The following DRC11 variants were observed in gnomAD, a reference collection of about 807,000 sequenced individuals.
DRC11 encodes dynein regulatory complex subunit 11, also known as IQ and AAA domain-containing protein 1.
the DRC11 span, among the ~76,000 whole-genome samples, chr2:236,471,257 G>C: frequency 6.6e-6 from 1 of 151,930 alleles, no homozygotes; most frequent in East Asian, 1.9e-4. The surrounding 1 kb of genome is among the most constrained non-coding windows in gnomAD (Gnocchi z 4.6). Flanking sequence ...GTGCTTTGCT[G>C]TCTCTCTCTG....
At chr2:236,507,343 G>C in the DRC11 span, 1 of 1,514,086 alleles carries the variant, frequency 6.6e-7, no homozygotes, top group South Asian at 1.1e-5. Flanking sequence ...TGGCAGCAGG[G>C]GTCAGGGCAC....
At chr2:236,479,023 A>G in the DRC11 span, among the ~76,000 whole-genome samples, 1 of 151,956 alleles carries the variant, frequency 6.6e-6, no homozygotes, top group Admixed American at 6.6e-5. The surrounding 1 kb of genome is among the most constrained non-coding windows in gnomAD (Gnocchi z 4.1). Context: ...CGGGGTTTCA[A>G]CATGTTGGCC....
the DRC11 span, among the ~76,000 whole-genome samples, chr2:236,494,432 T>C: frequency 6.6e-6 from 1 of 152,228 alleles, no homozygotes. The surrounding 1 kb of genome is among the most constrained non-coding windows in gnomAD (Gnocchi z 4.2). Context: ...CTTCTATCCT[T>C]CATTTGTGCA....
the DRC11 span, among the ~76,000 whole-genome samples, chr2:236,486,449 C>T: frequency 6.6e-6 from 1 of 151,940 alleles, no homozygotes; most frequent in East Asian, 1.9e-4. The surrounding 1 kb of genome is among the most constrained non-coding windows in gnomAD (Gnocchi z 5.7). Flanking sequence ...TCCACCTTTC[C>T]ATCTCTATGA....
the DRC11 span, among the ~76,000 whole-genome samples, chr2:236,398,764 A>G: frequency 3.9e-5 from 6 of 152,220 alleles, no homozygotes; most frequent in Admixed American, 3.9e-4. The surrounding 1 kb of genome is among the most constrained non-coding windows in gnomAD (Gnocchi z 6.2). Flanking sequence ...GTGTGTCAGA[A>G]TTGAGGCACA....
the DRC11 span, among the ~76,000 whole-genome samples, chr2:236,392,838 C>T: frequency 6.6e-6 from 1 of 152,176 alleles, no homozygotes; most frequent in Non-Finnish European, 1.5e-5. The surrounding 1 kb of genome is among the most constrained non-coding windows in gnomAD (Gnocchi z 5.1). Flanking sequence ...ACACAAGTAC[C>T]CAGTATTTCT....
chr2:236,412,730 T>A, the DRC11 span: 1 of 152,240 alleles, frequency 6.6e-6, no homozygotes, highest in Admixed American at 6.5e-5. Context: ...GTCTATTTCA[T>A]CTTTTTATAT....
chr2:236,465,759 G>A, the DRC11 span: 1 of 1,190,184 alleles, frequency 8.4e-7, no homozygotes, highest in Non-Finnish European at 1.2e-6. This position sits in a 1 kb window ranked among gnomAD's most constrained non-coding sequence, Gnocchi z 6.2. Context: ...AAGTTACAGA[G>A]TTGGTAAAAA....
At chr2:236,338,112 G>T in the DRC11 span, 1 of 1,281,884 alleles carries the variant, frequency 7.8e-7, no homozygotes, top group Non-Finnish European at 1.1e-6. Context: ...CTCATCTGGC[G>T]CCCACCGGGT....
the DRC11 span, among the ~76,000 whole-genome samples, chr2:236,353,130 G>T: frequency 6.6e-6 from 1 of 152,152 alleles, no homozygotes; most frequent in Non-Finnish European, 1.5e-5. This position sits in a 1 kb window ranked among gnomAD's most constrained non-coding sequence, Gnocchi z 5.0. Flanking sequence ...CTATGAAAAG[G>T]CTTCATTTAA....
chr2:236,357,725 A>G, the DRC11 span, among the ~76,000 whole-genome samples: 1 of 126,754 alleles, frequency 7.9e-6, no homozygotes, highest in Admixed American at 8.4e-5. Flanking sequence ...TTTATAATAT[A>G]TAAATATACA....
the DRC11 span, chr2:236,324,727 GC>G: frequency 1.2e-6 from 2 of 1,603,596 alleles, no homozygotes; most frequent in East Asian, 4.5e-5. The surrounding 1 kb of genome is among the most constrained non-coding windows in gnomAD (Gnocchi z 5.7). Flanking sequence ...TTTCTGTGCT[GC>G]CTCCTGTTAT....
chr2:236,341,382 C>T, the DRC11 span, among the ~76,000 whole-genome samples: 9 of 152,292 alleles, frequency 5.9e-5, no homozygotes, highest in East Asian at 9.6e-4. Flanking sequence ...GAGAAAGGAG[C>T]GGGCCTGGTC....
At chr2:236,367,532 C>G in the DRC11 span, 3 of 151,894 alleles carry the variant, frequency 2.0e-5, no homozygotes, top group African/African-American at 7.3e-5. The surrounding 1 kb of genome is among the most constrained non-coding windows in gnomAD (Gnocchi z 4.8). Flanking sequence ...AACTGAAACT[C>G]CTGGCTGGAG....
chr2:236,389,705 G>C, the DRC11 span, among the ~76,000 whole-genome samples: 1 of 152,134 alleles, frequency 6.6e-6, no homozygotes, highest in Non-Finnish European at 1.5e-5. Context: ...TTTTTGTCTT[G>C]AGATATTTTC....
chr2:236,341,317 T>C, the DRC11 span, among the ~76,000 whole-genome samples: 43 of 152,240 alleles, frequency 2.8e-4, no homozygotes, highest in Admixed American at 9.8e-4. Flanking sequence ...TACAAACAAC[T>C]GACTGAGCGC....
At chr2:236,491,653 T>C in the DRC11 span, among the ~76,000 whole-genome samples, 1 of 152,088 alleles carries the variant, frequency 6.6e-6, no homozygotes, top group Non-Finnish European at 1.5e-5. Flanking sequence ...TTTCAGGGAA[T>C]GAAGTGTGAG....
the DRC11 span, chr2:236,487,976 A>G: frequency 6.6e-7 from 1 of 1,503,926 alleles, no homozygotes; most frequent in South Asian, 1.4e-5. Context: ...TTGTACCCCA[A>G]CTCCAGGAGC....
At chr2:236,357,639 T>A in the DRC11 span, among the ~76,000 whole-genome samples, 2 of 90,790 alleles carry the variant, frequency 2.2e-5, no homozygotes, top group Non-Finnish European at 4.1e-5. Flanking sequence ...GCATATAATA[T>A]GTAAATATAT....
Sources: allele counts gnomAD v4.1 joint callset (sites outside exome capture counted in the v4.1 genomes callset), GRCh38; gene constraint gnomAD v4.1.1; non-coding constraint Gnocchi (gnomAD v3.1); transcripts MANE v1.5; gene names NCBI Gene and HGNC (gene_info 2026-07-23, HGNC 2026-07-21).